SVEP1: variants seen among roughly 807,000 people sequenced by gnomAD.
SVEP1 encodes the protein sushi, von Willebrand factor type A, EGF and pentraxin domain containing 1.
SVEP1 carries 164 observed loss-of-function variants against 367.3 expected under a neutral mutation model. The observed-to-expected ratio is 0.45, with a 90% CI of 0.39 to 0.51. The LOEUF (loss-of-function observed/expected upper bound fraction) is 0.51. Ranked by LOEUF, SVEP1 falls within the 20% of genes least tolerant of loss-of-function variation. The pLI is 0.00. For missense variants in SVEP1, 4,117 were observed against 4,425.3 expected (o/e 0.93, Z 1.98); for synonymous variants, 1,666 against 1,611.6 (o/e 1.03, Z -0.81).
At chr9:110,431,716 T>A (rs1828351632) in intron 32 of SVEP1, among the ~76,000 whole-genome samples, 199 bp downstream of exon 32, 1 of 152,204 alleles carries the variant, frequency 6.6e-6, no homozygotes, top group Non-Finnish European at 1.5e-5. Flanking sequence ...AATTGGGAAG[T>A]TGGGGGAGGC....
intron 5 of SVEP1, among the ~76,000 whole-genome samples, chr9:110,510,113 C>T (rs1181874859): frequency 5.9e-5 from 9 of 152,328 alleles, no homozygotes; most frequent in East Asian, 3.9e-4. Flanking sequence ...CTCCATTCCA[C>T]GTCCTCACTG....
chr9:110,389,684 T>C, intron 40 of SVEP1, 97 bp from the exon 41 acceptor site: 1 of 1,350,446 alleles, frequency 7.4e-7, no homozygotes, highest in African/African-American at 1.5e-5. Context: ...CTTGAATCGC[T>C]CAGCACTGGA....
chr9:110,396,839 A>T (rs60410996), intron 40 of SVEP1, among the ~76,000 whole-genome samples: 2,868 of 152,142 alleles, frequency 0.019, 82 homozygotes, highest in African/African-American at 0.065. Context: ...TCTGAAATTG[A>T]GGCAATAATC....
intron 27 of SVEP1, among the ~76,000 whole-genome samples, chr9:110,439,584 G>A (rs1249861436): frequency 6.6e-6 from 1 of 151,586 alleles, no homozygotes; most frequent in Non-Finnish European, 1.5e-5. Context: ...ATTTTTAGTA[G>A]AGACGGGGTT....
At chr9:110,474,773 G>A (rs1022887595) in intron 14 of SVEP1, among the ~76,000 whole-genome samples, 27 of 151,988 alleles carry the variant, frequency 1.8e-4, no homozygotes, top group African/African-American at 5.1e-4. Context: ...GTAAACAACC[G>A]AAAATAACCC....
intron 9 of SVEP1, among the ~76,000 whole-genome samples, chr9:110,484,281 T>C (rs1431217647): frequency 6.6e-6 from 1 of 152,016 alleles, no homozygotes; most frequent in African/African-American, 2.4e-5. Flanking sequence ...AAATTCTAGA[T>C]GAAGACAAAG....
At chr9:110,578,222 T>C (rs74404084) in intron 1 of SVEP1, among the ~76,000 whole-genome samples, 16,949 of 152,232 alleles carry the variant, frequency 0.11, 1,227 homozygotes, top group East Asian at 0.16. Flanking sequence ...ATGCAGCTAA[T>C]GTAGAACATT....
chr9:110,549,843 C>A lies in SVEP1; in HGVS notation c.787+6G>T. The A allele has an allele frequency of 6.2e-7, 1 of 1,613,318 alleles. No homozygotes were observed. The highest frequency in any genetic ancestry group is 8.5e-7 in the Non-Finnish European group (1 of 1,179,532). On this transcript the variant is annotated splice_donor_region_variant and intron_variant, in intron 2 of 47. Coordinates refer to ENST00000374469, the MANE Select transcript of SVEP1 (RefSeq NM_153366.4). ...TACCTTTGTGATGCCATTAGGTTTC[C>A]ATTACCTTCATGCAATGCCCGGCGA...
chr9:110,527,119 A>AC (rs1829948683), intron 3 of SVEP1, among the ~76,000 whole-genome samples: 1 of 152,094 alleles, frequency 6.6e-6, no homozygotes, highest in Non-Finnish European at 1.5e-5. Flanking sequence ...TATTGAAACC[A>AC]TATCGATGTC....
At chr9:110,530,690 C>T (rs564491129) in intron 3 of SVEP1, among the ~76,000 whole-genome samples, 4 of 152,052 alleles carry the variant, frequency 2.6e-5, no homozygotes, top group Non-Finnish European at 5.9e-5. Context: ...ATGCACACCA[C>T]AGTGACCAGC....
chr9:110,447,020 C>G lies in SVEP1; in HGVS notation c.4141G>C (p.Glu1381Gln). Residue 1381 changes from glutamate (E) to glutamine (Q), a missense_variant, in exon 25 of 48, where the codon GAA becomes CAA. Physicochemically the swap from Glu to Gln is conservative, Grantham distance 29. Around this residue, in one of 4 missense-constraint regions of SVEP1, gnomAD observed 2,174 missense variants for 2,494.3 expected, o/e 0.87. Transcript: ENST00000374469. Reference sequence around the variant, plus strand: ...GACTGACATTCATTGATGTTCAATTCACAGTGTGATCCTGTGAAGCCAGCT... The same window carrying G: ...GACTGACATTCATTGATGTTCAATTGACAGTGTGATCCTGTGAAGCCAGCT... ...CAAGFTGSHC[E>Q]LNINECQSNP... 1.3e-6 allele frequency: 2 copies of G among 1,540,618 alleles called. No homozygotes were observed. Among genetic ancestry groups the G allele is most frequent in the African/African-American group, 1.4e-5 (1 of 72,952 alleles).
chr9:110,394,497 A>G (rs2118981908), intron 40 of SVEP1, among the ~76,000 whole-genome samples: 1 of 152,358 alleles, frequency 6.6e-6, no homozygotes. Context: ...ACAAAGCTGG[A>G]CAGAGAATGA....
At chr9:110,531,896 A>G (rs550772182) in intron 3 of SVEP1, among the ~76,000 whole-genome samples, 5 of 152,328 alleles carry the variant, frequency 3.3e-5, no homozygotes, top group African/African-American at 9.6e-5. Context: ...CTTAGTAACC[A>G]CATAACATAA....
rs1829340913 is a variant in SVEP1, at chr9:110,489,883, C to T, written c.1801-104G>A. The T allele has an allele frequency of 3.0e-6, 4 of 1,348,634 alleles. No individual in the cohort carries two copies. In the African/African-American group the frequency reaches 6.0e-5, roughly 20 times the overall value. 83.5% of individuals were successfully genotyped at this position (1,348,634 alleles called of 1,614,324 possible). ...ATGTTAACAATGATACAATATTTCA[C>T]AAAGAGGAAAGGAAAAAGGCACAGC... On this transcript the variant is annotated intron_variant, in intron 8 of 47. Transcript: ENST00000374469.
chr9:110,530,050 G>C (rs541443234), intron 3 of SVEP1, among the ~76,000 whole-genome samples: 8 of 152,030 alleles, frequency 5.3e-5, no homozygotes, highest in Non-Finnish European at 1.0e-4. Context: ...GTTTGCTGAG[G>C]GTTATTATTA....
In SVEP1 at chr9:110,434,411, A is replaced by T. The variant is rs780539385; in HGVS notation, c.4984T>A (p.Phe1662Ile). 6.2e-7 allele frequency: 1 copy of T among 1,613,524 alleles called. No homozygotes were observed. Among genetic ancestry groups the T allele is most frequent in the Non-Finnish European group, 8.5e-7 (1 of 1,179,726 alleles). Residue 1662 changes from phenylalanine to isoleucine, a missense_variant, in exon 30 of 48, where the codon TTC becomes ATC. This residue lies in a region of SVEP1 where 2,174 missense variants were observed against 2,494.3 expected (regional missense o/e 0.87). Transcript: ENST00000374469. ...SKVNLFCDPG[F>I]QLVGNPVQYC... Reference sequence around the variant, plus strand: ...TGCACAGGGTTCCCGACCAGCTGGAAGCCTGGATCACAGAACAGATTGACT... The same window carrying T: ...TGCACAGGGTTCCCGACCAGCTGGATGCCTGGATCACAGAACAGATTGACT...
chr9:110,509,126 G>A (rs1163196945), intron 5 of SVEP1, among the ~76,000 whole-genome samples: 1 of 152,092 alleles, frequency 6.6e-6, no homozygotes, highest in Non-Finnish European at 1.5e-5. Context: ...CCCATTGTAA[G>A]ACACAACATT....
intron 1 of SVEP1, among the ~76,000 whole-genome samples, chr9:110,562,516 T>C (rs1158350834): frequency 6.6e-6 from 1 of 152,156 alleles, no homozygotes; most frequent in Non-Finnish European, 1.5e-5. Flanking sequence ...GCCCAAGTAT[T>C]ACATATGGTA....
intron 27 of SVEP1, among the ~76,000 whole-genome samples, chr9:110,440,575 A>AT (rs1828497659): frequency 6.6e-6 from 1 of 152,212 alleles, no homozygotes; most frequent in African/African-American, 2.4e-5. Context: ...TAATGCAGCA[A>AT]TGGAGGCATG....
Sources: allele counts gnomAD v4.1 joint callset (sites outside exome capture counted in the v4.1 genomes callset), GRCh38; gene constraint gnomAD v4.1.1; regional missense constraint gnomAD v4.1.1; transcripts MANE v1.5; gene names NCBI Gene and HGNC (gene_info 2026-07-23, HGNC 2026-07-21).